Variants in SEC31A observed in about 807,000 individuals in gnomAD.
SEC31A encodes the protein SEC31 homolog A, COPII component.
Under a neutral mutation model 151.0 loss-of-function variants are expected in SEC31A, and 70 were observed. The observed-to-expected ratio is 0.46, with a 90% CI of 0.38 to 0.57. The LOEUF (loss-of-function observed/expected upper bound fraction) is 0.57, where lower values mean the gene tolerates loss of function less well. Among genes scored for constraint, SEC31A ranks in the 20% least tolerant of loss-of-function variants. The pLI, the probability that SEC31A is intolerant of heterozygous loss-of-function variation, is 0.00. For synonymous variants in SEC31A, 475 were observed against 505.9 expected (o/e 0.94, Z 0.82); for missense variants, 1,330 against 1,471.2 (o/e 0.90, Z 1.57).
intron 6 of SEC31A, among the ~76,000 whole-genome samples, chr4:82,873,274 C>T (rs1245310614): frequency 6.6e-6 from 1 of 151,794 alleles, no homozygotes; most frequent in African/African-American, 2.4e-5. Context: ...AGGAGAATTG[C>T]CTGAACCCAG....
chr4:82,848,693 T>C (rs1410237543), intron 20 of SEC31A, 111 bp downstream of exon 20: 7 of 823,352 alleles, frequency 8.5e-6, no homozygotes, highest in Admixed American at 3.3e-5. Flanking sequence ...TATAACAATA[T>C]ATTGTCTAGT....
intron 22 of SEC31A, among the ~76,000 whole-genome samples, chr4:82,837,157 T>TTATA (rs1727499082): frequency 1.7e-5 from 1 of 59,364 alleles, no homozygotes. Context: ...ATAAATTTTA[T>TTATA]CATATATATA....
rs139184146 is a variant in SEC31A, at chr4:82,827,378, A to G, written c.3282T>C (p.Asn1094=). ...ACAAATTTACTGTTACCTGGAAGGTATTTCCAATAGGAGCCCCTGGGGCAC... is the reference window on the plus strand; with the variant it reads ...ACAAATTTACTGTTACCTGGAAGGTGTTTCCAATAGGAGCCCCTGGGGCAC... ...IEGAPGAPIG[N]TFQHVQSLPT... is the part of the protein sequence containing the mutation. The change falls in exon 24 of 27, where the codon AAT becomes AAC. Residue 1094 remains asparagine, a synonymous_variant. Transcript: ENST00000395310. 9.8e-5 allele frequency: 158 copies of G among 1,613,870 alleles called. No individual in the cohort carries two copies. In the African/African-American group the frequency reaches 1.6e-3, roughly 17 times the overall value.
At chr4:82,823,141 C>T (rs1346290615) in intron 25 of SEC31A, among the ~76,000 whole-genome samples, 2 of 152,224 alleles carry the variant, frequency 1.3e-5, no homozygotes, top group Non-Finnish European at 1.5e-5. Flanking sequence ...CAGAGCTCCT[C>T]GGTATCCAAG....
chr4:82,899,272 A>C (rs562937505), intron 3 of SEC31A, among the ~76,000 whole-genome samples: 1 of 152,296 alleles, frequency 6.6e-6, no homozygotes, highest in African/African-American at 2.4e-5. Context: ...TCTAATATTG[A>C]TTGTGACTGT....
rs774497054 is a variant in SEC31A, at chr4:82,864,590, G to A, written c.1206C>T (p.Gly402=). The A allele has an allele frequency of 1.2e-6, 2 of 1,613,606 alleles. No individual in the cohort carries two copies. Among genetic ancestry groups the A allele is most frequent in the Non-Finnish European group, 1.7e-6 (2 of 1,179,866 alleles). ...TGACATTCTCAAACGTAACCAGTTTGCCTCCAAACTATAAAAGAGAGAATG... is the reference window on the plus strand; with the variant it reads ...TGACATTCTCAAACGTAACCAGTTTACCTCCAAACTATAAAAGAGAGAATG... ...RPVGASFSFG[G]KLVTFENVRM... Residue 402 remains glycine (G), a synonymous_variant, in exon 11 of 27, where the codon GGC becomes GGT. Transcript: ENST00000395310.
chr4:82,884,345 C>CA (rs902695299), intron 1 of SEC31A, among the ~76,000 whole-genome samples: 6 of 148,104 alleles, frequency 4.1e-5, no homozygotes, highest in South Asian at 2.1e-4. Context: ...TTGCTTTTTT[C>CA]AAAAAAAAAA....
intron 20 of SEC31A, among the ~76,000 whole-genome samples, chr4:82,847,180 G>A (rs374201751): frequency 1.6e-4 from 25 of 152,232 alleles, no homozygotes; most frequent in Admixed American, 1.0e-3. Flanking sequence ...ACGCAGGGTC[G>A]GTACCCCTAA....
chr4:82,822,368 G>A (rs1723551550), intron 25 of SEC31A, among the ~76,000 whole-genome samples: 1 of 152,226 alleles, frequency 6.6e-6, no homozygotes, highest in Non-Finnish European at 1.5e-5. Flanking sequence ...GGACATGTGA[G>A]CAGAGGCCTT....
chr4:82,856,051 C>T (rs4693057), intron 16 of SEC31A, among the ~76,000 whole-genome samples: 5 of 151,856 alleles, frequency 3.3e-5, no homozygotes, highest in African/African-American at 4.8e-5. Flanking sequence ...TATAAACAAG[C>T]GTGTTTATTT....
In SEC31A at chr4:82,863,313, T is replaced by C. The variant is rs529522056; in HGVS notation, c.1509+5A>G. Reference sequence around the variant, plus strand: ...GCATGCCATCTAACTTTCCCAAAAGTTTACCTTCTTTCCTAGATCTTCTTT... The same window carrying C: ...GCATGCCATCTAACTTTCCCAAAAGCTTACCTTCTTTCCTAGATCTTCTTT... On this transcript the variant is annotated splice_donor_5th_base_variant and intron_variant, in intron 12 of 26. Transcript: ENST00000395310. 1,048 of 1,550,612 alleles carry C rather than the reference T, an allele frequency of 6.8e-4. 22 individuals carry two copies. The South Asian group carries it at 0.012, about 17-fold the overall frequency.
Position 82,842,425 on chromosome 4 carries a change from G to T in SEC31A, c.2683C>A (p.Pro895Thr). Residue 895 changes from proline (P) to threonine (T), a missense_variant, in exon 22 of 27, where the codon CCT (proline) becomes ACT (threonine). Pro to Thr is a conservative substitution (Grantham distance 38). Transcript: ENST00000395310. Reference sequence around the variant, plus strand: ...GTAGGAGGAGCAACAGGCTGCTGAGGTCGATACATTGCTGACCCCCCTGTT... The same window carrying T: ...GTAGGAGGAGCAACAGGCTGCTGAGTTCGATACATTGCTGACCCCCCTGTT... ...FGTGGSAMYR[P>T]QQPVAPPTSN... is the part of the protein sequence containing the mutation. 6.2e-7 allele frequency: 1 copy of T among 1,613,988 alleles called. No homozygotes were observed.
chr4:82,874,517 C>T (rs1382286523), intron 6 of SEC31A, 94 bp downstream of exon 6: 9 of 1,273,630 alleles, frequency 7.1e-6, no homozygotes, highest in Non-Finnish European at 9.6e-6. Flanking sequence ...TTTGACTTCA[C>T]AGAAATTTGA....
chr4:82,871,282 A>T, intron 7 of SEC31A: 1 of 1,382,510 alleles, frequency 7.2e-7, no homozygotes, highest in East Asian at 2.7e-5. Flanking sequence ...TCCTATTTGT[A>T]TAAAAATTAT....
chr4:82,867,794 G>A (rs185821786), intron 8 of SEC31A, among the ~76,000 whole-genome samples: 2 of 152,224 alleles, frequency 1.3e-5, no homozygotes, highest in East Asian at 1.9e-4. Context: ...CATCATGCCC[G>A]GCTAATTTTT....
At chr4:82,819,481 A>G (rs146596721) in intron 26 of SEC31A, among the ~76,000 whole-genome samples, 175 of 152,352 alleles carry the variant, frequency 1.1e-3, no homozygotes, top group African/African-American at 4.1e-3. Flanking sequence ...TTATACATGT[A>G]TAAGCCAGGT....
intron 11 of SEC31A, among the ~76,000 whole-genome samples, chr4:82,863,894 GGCAAAAT>G (rs1734714463): frequency 1.3e-5 from 2 of 152,030 alleles, no homozygotes; most frequent in Non-Finnish European, 1.5e-5. Context: ...TTCCAGTGGA[GGCAAAAT>G]GACCAACCAG....
chr4:82,892,803 T>C (rs925750254), upstream of SEC31A, among the ~76,000 whole-genome samples: 2 of 152,226 alleles, frequency 1.3e-5, no homozygotes, highest in East Asian at 1.9e-4. Context: ...GTTTTCTCAG[T>C]ACTGTGGTAA....
At chr4:82,870,239 A>T in intron 8 of SEC31A, 86 bp downstream of exon 8, 1 of 1,005,920 alleles carries the variant, frequency 9.9e-7, no homozygotes, top group Non-Finnish European at 1.5e-6. Context: ...GTAATCCACT[A>T]AAGAATCCAC....
Sources: gnomAD v4.1 joint callset for allele counts (sites outside exome capture counted in the v4.1 genomes callset) on GRCh38, gnomAD v4.1.1 for gene constraint, MANE v1.5 for transcripts, NCBI Gene and HGNC (gene_info 2026-07-23, HGNC 2026-07-21) for gene names.